HERC4: variants seen among roughly 807,000 people sequenced by gnomAD.
HERC4 encodes the protein probable E3 ubiquitin-protein ligase HERC4.
HERC4 carries 28 observed loss-of-function variants against 124.3 expected under a neutral mutation model. That is an observed-to-expected ratio of 0.23 (90% confidence interval 0.17 to 0.31). The LOEUF (loss-of-function observed/expected upper bound fraction) is 0.31, where lower values mean the gene tolerates loss of function less well. Ranked by LOEUF, HERC4 falls within the 10% of genes least tolerant of loss-of-function variation. The pLI, the probability that HERC4 is intolerant of heterozygous loss-of-function variation, is 1.00. For missense variants in HERC4, 713 were observed against 1,229.3 expected (o/e 0.58, Z 6.28); for synonymous variants, 407 against 421.5 (o/e 0.97, Z 0.42).
Position 68,017,785 on chromosome 10 carries a change from G to A in HERC4, c.909-3599C>T, listed in dbSNP as rs142172076. On this transcript the variant is annotated intron_variant, in intron 8 of 24. Coordinates refer to ENST00000373700, the MANE Select transcript of HERC4 (RefSeq NM_015601.4). ...ATTACAGGCATGAGCCACCACGCCC[G>A]GCCTATGTCAATAAGTCTAAAATTA... Among the ~76,000 whole-genome samples the A allele has an allele frequency of 8.5e-5, 13 of 152,142 alleles. No individual in the cohort carries two copies. In the East Asian group the frequency reaches 1.7e-3, roughly 20 times the overall value.
At position 68,034,191 on chromosome 10, in the gene HERC4, A is replaced by G; in HGVS notation, c.464-5T>C. 2 of 1,587,582 alleles carry G rather than the reference A, an allele frequency of 1.3e-6. No individual in the cohort carries two copies. On this transcript the variant is annotated splice_region_variant and splice_polypyrimidine_tract_variant and intron_variant, in intron 5 of 24. Coordinates refer to ENST00000373700, the MANE Select transcript of HERC4 (RefSeq NM_015601.4). ...CCCAACAGAAGACTTCACTTGCTGTAAAACAGTAATGGAAAAATTAACCAT... is the reference window on the plus strand; with the variant it reads ...CCCAACAGAAGACTTCACTTGCTGTGAAACAGTAATGGAAAAATTAACCAT...
At chr10:67,958,000 G>T (rs1231923976) in intron 16 of HERC4, among the ~76,000 whole-genome samples, 1 of 152,030 alleles carries the variant, frequency 6.6e-6, no homozygotes, top group Non-Finnish European at 1.5e-5. Context: ...GTAGAGATGG[G>T]GTTTCACTAG....
intron 3 of HERC4, among the ~76,000 whole-genome samples, chr10:68,054,218 T>C (rs992208650): frequency 6.6e-6 from 1 of 152,190 alleles, no homozygotes; most frequent in African/African-American, 2.4e-5. Flanking sequence ...AGAGCTCCAT[T>C]CTTACACATG....
intron 15 of HERC4, among the ~76,000 whole-genome samples, chr10:67,968,940 C>T (rs1342973550): frequency 6.6e-6 from 1 of 152,206 alleles, no homozygotes. Flanking sequence ...CTTGCACTCA[C>T]TGTCATAACA....
rs1401639985 is a variant in HERC4, at chr10:67,990,317, A to C, written c.1527T>G (p.Thr509=). ...CACTCATCAGGGGACATTCTGGTAG[A>C]GTAAGATAAAACCTCAATGCTTCAA... The part of the protein sequence containing the change: ...PDVEALRFYL[T]LPECPLMSDS... The change falls in exon 14 of 25, where the codon ACT becomes ACG. Residue 509 remains threonine, a synonymous_variant. Transcript: ENST00000373700. 1.2e-6 allele frequency: 2 copies of C among 1,612,806 alleles called. No homozygotes were observed. The highest frequency in any genetic ancestry group is 1.7e-6 in the Non-Finnish European group (2 of 1,179,126).
In HERC4 at chr10:67,991,210, T is replaced by C. The variant is rs1476983341; in HGVS notation, c.1272-11A>G. On this transcript the variant is annotated splice_polypyrimidine_tract_variant and intron_variant, in intron 11 of 24. Coordinates refer to ENST00000373700, the MANE Select transcript of HERC4 (RefSeq NM_015601.4). The stretch of plus-strand genomic sequence containing the variant: ...GTTCCATCTATCTCACTAAAAAATT[T>C]AAAAAAGTTTTTTTAATCATAGAAT... The C allele has an allele frequency of 5.4e-6, 8 of 1,490,190 alleles. No individual in the cohort carries two copies. Among genetic ancestry groups the C allele is most frequent in the Non-Finnish European group, 7.2e-6 (8 of 1,110,744 alleles). The allele number at this position is 1,490,190 out of a possible 1,614,324, so 92.3% of individuals were successfully genotyped here.
intron 5 of HERC4, among the ~76,000 whole-genome samples, chr10:68,035,825 C>A (rs1405780836): frequency 6.6e-6 from 1 of 152,174 alleles, no homozygotes; most frequent in South Asian, 2.1e-4. Flanking sequence ...CCAGCAGGAG[C>A]CTTCCTTCCC....
At chr10:68,056,678 G>A (rs2040565863) in intron 3 of HERC4, among the ~76,000 whole-genome samples, 1 of 152,148 alleles carries the variant, frequency 6.6e-6, no homozygotes, top group Non-Finnish European at 1.5e-5. Flanking sequence ...AGAATGAACT[G>A]GAGCAGGGAG....
intron 23 of HERC4, among the ~76,000 whole-genome samples, chr10:67,930,151 A>G (rs2031633532): frequency 2.0e-5 from 3 of 152,196 alleles, no homozygotes. Context: ...TCTGCTGAAT[A>G]GGTATACTGT....
chr10:68,022,316 A>G (rs1186098092), intron 8 of HERC4, among the ~76,000 whole-genome samples: 1 of 152,028 alleles, frequency 6.6e-6, no homozygotes, highest in African/African-American at 2.4e-5. Context: ...CCTGACCAAC[A>G]TGGAGAAACC....
intron 16 of HERC4, chr10:67,965,691 T>G (rs2034821195): frequency 6.6e-6 from 1 of 152,210 alleles, no homozygotes; most frequent in Non-Finnish European, 1.5e-5. Context: ...AGGTGCTGGT[T>G]GACTGACAAG....
chr10:68,003,503 C>T (rs1028084851), intron 9 of HERC4, among the ~76,000 whole-genome samples: 2 of 151,836 alleles, frequency 1.3e-5, no homozygotes, highest in Admixed American at 6.6e-5. Context: ...ATCCTCACTT[C>T]CTCCCCTTAC....
intron 9 of HERC4, among the ~76,000 whole-genome samples, chr10:68,007,412 A>G (rs901539381): frequency 2.0e-5 from 3 of 152,168 alleles, no homozygotes; most frequent in African/African-American, 7.2e-5. Flanking sequence ...GCTGTTTTGA[A>G]TTTCTGAAAA....
chr10:68,040,083 A>G (rs913880574), intron 4 of HERC4: 2 of 864,550 alleles, frequency 2.3e-6, no homozygotes, highest in African/African-American at 3.7e-5. Context: ...CCTAATTAAT[A>G]GTACGTAATG....
At chr10:67,942,522 T>G (rs1394098093) in intron 19 of HERC4, among the ~76,000 whole-genome samples, 3 of 152,160 alleles carry the variant, frequency 2.0e-5, no homozygotes, top group African/African-American at 7.2e-5. Context: ...TTTGTTTGTT[T>G]GTTTTTGAGA....
chr10:67,940,862 G>T (rs1362872800), intron 20 of HERC4, 77 bp downstream of exon 20: 3 of 1,209,790 alleles, frequency 2.5e-6, no homozygotes, highest in Non-Finnish European at 2.3e-6. Context: ...TTTTTTCATA[G>T]AAGGAAAGCT....
At chr10:68,041,336 A>C (rs2039757505) in intron 4 of HERC4, among the ~76,000 whole-genome samples, 1 of 152,156 alleles carries the variant, frequency 6.6e-6, no homozygotes, top group African/African-American at 2.4e-5. Context: ...AGGGGAGTAG[A>C]TTTTTAAAAA....
chr10:68,053,509 G>A (rs1162923608), intron 3 of HERC4, among the ~76,000 whole-genome samples: 1 of 151,884 alleles, frequency 6.6e-6, no homozygotes, highest in Non-Finnish European at 1.5e-5. Flanking sequence ...TCCCTATTTT[G>A]CCCAGGCTAG....
chr10:67,981,871 G>T (rs1043803713), intron 15 of HERC4, among the ~76,000 whole-genome samples: 1 of 152,090 alleles, frequency 6.6e-6, no homozygotes, highest in African/African-American at 2.4e-5. Context: ...AATCGGGGGG[G>T]TGGAGGTTGC....
Sources: gnomAD v4.1 joint callset for allele counts (sites outside exome capture counted in the v4.1 genomes callset) on GRCh38, gnomAD v4.1.1 for gene constraint, MANE v1.5 for transcripts, NCBI Gene and HGNC (gene_info 2026-07-23, HGNC 2026-07-21) for gene names.